RAB6B: variants seen among roughly 807,000 people sequenced by gnomAD.
The protein encoded by RAB6B is RAB6B, member RAS oncogene family.
In RAB6B, 7 loss-of-function variants were observed where a neutral mutation model predicts 31.2. That is an observed-to-expected ratio of 0.22 (90% CI 0.13 to 0.42). RAB6B has a LOEUF of 0.42. Ranked by LOEUF, RAB6B falls within the 10% of genes least tolerant of loss-of-function variation. RAB6B has a pLI of 1.00. For synonymous variants in RAB6B, 105 were observed against 104.9 expected (o/e 1.00, Z -0.01); for missense variants, 149 against 280.6 (o/e 0.53, Z 3.35).
At chr3:133,833,167 C>T (rs1935679879) in intron 7 of RAB6B, among the ~76,000 whole-genome samples, 2 of 152,194 alleles carry the variant, frequency 1.3e-5, no homozygotes, top group South Asian at 2.1e-4. Context: ...CTGTATGTTC[C>T]TGGAACCTCA....
chr3:133,890,348 T>C (rs754562455), intron 1 of RAB6B, among the ~76,000 whole-genome samples: 3 of 152,108 alleles, frequency 2.0e-5, no homozygotes, highest in Non-Finnish European at 2.9e-5. Context: ...CTCACACCCA[T>C]AATCCCAGCA....
At chr3:133,841,728 C>T (rs748880326) in intron 2 of RAB6B, 65 bp from the exon 3 acceptor site, 88 of 1,544,282 alleles carry the variant, frequency 5.7e-5, no homozygotes, top group South Asian at 8.0e-5. Context: ...AAAAGCCTAG[C>T]GACCACAGGT....
In RAB6B at chr3:133,825,788, CCTGCTAAT is replaced by C. The variant is rs1364550724; in HGVS notation, c.*2992_*2999del. The C allele has an allele frequency of 6.6e-6, 1 of 152,224 alleles. No homozygotes were observed. Among genetic ancestry groups the C allele is most frequent in the Non-Finnish European group, 1.5e-5 (1 of 68,074 alleles). 9.4% of individuals were successfully genotyped at this position (152,224 alleles called of 1,614,324 possible). ...CCCCAAAAAAGAAGGCCAAGAGGAT[CCTGCTAAT>C]CTGCCAGGTCACGTCTAGTCTTTGG... On this transcript the variant is annotated 3_prime_UTR_variant, in exon 8 of 8. Transcript: ENST00000285208.
chr3:133,884,089 C>G (rs1341921973), intron 1 of RAB6B, among the ~76,000 whole-genome samples: 1 of 152,202 alleles, frequency 6.6e-6, no homozygotes, highest in Non-Finnish European at 1.5e-5. Context: ...CTCAAAGAGG[C>G]CAAGGGTGGT....
At chr3:133,862,901 T>C (rs1287192497) in intron 2 of RAB6B, among the ~76,000 whole-genome samples, 3 of 152,152 alleles carry the variant, frequency 2.0e-5, no homozygotes, top group Non-Finnish European at 4.4e-5. Context: ...TATATGTAAC[T>C]TAATAGTAAG....
At position 133,827,872 on chromosome 3, in the gene RAB6B, T is replaced by C. The variant is rs1209754522; in HGVS notation, c.*916A>G. The C allele has an allele frequency of 1.0e-5, 7 of 689,464 alleles. No homozygotes were observed. The Admixed American group carries it at 1.4e-4, about 14-fold the overall frequency. 42.7% of individuals were successfully genotyped at this position (689,464 alleles called of 1,614,324 possible). ...CATCACACACTGAGTTTCTTAGACT[T>C]GGCCCAGGCATGTGTACTGACTGCT... On this transcript the variant is annotated 3_prime_UTR_variant, in exon 8 of 8. Coordinates refer to ENST00000285208, the MANE Select transcript of RAB6B (RefSeq NM_016577.4).
At chr3:133,881,585 C>T (rs1235813704) in intron 1 of RAB6B, among the ~76,000 whole-genome samples, 1 of 152,228 alleles carries the variant, frequency 6.6e-6, no homozygotes. Context: ...CTCAGAAAAT[C>T]ACGTCATGGC....
intron 1 of RAB6B, among the ~76,000 whole-genome samples, chr3:133,867,117 C>G (rs1200598785): frequency 6.6e-6 from 1 of 152,248 alleles, no homozygotes; most frequent in Non-Finnish European, 1.5e-5. Flanking sequence ...CCATGAGACA[C>G]CAGCCACTGG....
chr3:133,869,222 G>A (rs764886601), intron 1 of RAB6B, among the ~76,000 whole-genome samples: 3 of 152,244 alleles, frequency 2.0e-5, no homozygotes, highest in Non-Finnish European at 4.4e-5. Flanking sequence ...GTTGCTATGG[G>A]GGACACACTT....
intron 7 of RAB6B, among the ~76,000 whole-genome samples, chr3:133,832,211 TG>T (rs1935664403): frequency 6.6e-6 from 1 of 152,100 alleles, no homozygotes; most frequent in South Asian, 2.1e-4. Flanking sequence ...AAGTGGGGGT[TG>T]GGGGGTTGTG....
intron 1 of RAB6B, among the ~76,000 whole-genome samples, chr3:133,875,289 T>C (rs148789681): frequency 6.7e-6 from 1 of 150,326 alleles, no homozygotes; most frequent in Non-Finnish European, 1.5e-5. Context: ...TGTGTGTGCA[T>C]GTGTTAAGAA....
At chr3:133,849,770 T>C (rs1935952586) in intron 2 of RAB6B, among the ~76,000 whole-genome samples, 1 of 152,218 alleles carries the variant, frequency 6.6e-6, no homozygotes, top group Non-Finnish European at 1.5e-5. Context: ...CATAATCTTA[T>C]GGTCATCAGC....
At chr3:133,842,171 C>G (rs1161659276) in intron 2 of RAB6B, among the ~76,000 whole-genome samples, 3 of 152,264 alleles carry the variant, frequency 2.0e-5, no homozygotes, top group African/African-American at 7.2e-5. Context: ...TGGCTTTTCT[C>G]AGGTGCGGGC....
chr3:133,832,620 G>C (rs552837163), intron 7 of RAB6B, among the ~76,000 whole-genome samples: 7 of 152,342 alleles, frequency 4.6e-5, no homozygotes, highest in African/African-American at 1.2e-4. Flanking sequence ...CATCCCGAAA[G>C]AAGCAGAATG....
chr3:133,877,997 A>C (rs1446712816), intron 1 of RAB6B, among the ~76,000 whole-genome samples: 1 of 152,036 alleles, frequency 6.6e-6, no homozygotes, highest in African/African-American at 2.4e-5. Flanking sequence ...AATTACCTAA[A>C]GTGAAACACA....
rs527675052 is a variant in RAB6B, at chr3:133,868,113, A to C, written c.71-3471T>G. On this transcript the variant is annotated intron_variant, in intron 1 of 7. Transcript: ENST00000285208. ...CTGCCCAGCCTCTGCCCATGGTATCACATAAAGGAGCTAGGTGGGTAAGGG... is the reference window on the plus strand; with the variant it reads ...CTGCCCAGCCTCTGCCCATGGTATCCCATAAAGGAGCTAGGTGGGTAAGGG... Among the ~76,000 whole-genome samples the C allele has an allele frequency of 9.2e-5, 14 of 152,242 alleles. No individual in the cohort carries two copies. In the South Asian group the frequency reaches 2.7e-3, roughly 29 times the overall value.
chr3:133,853,320 T>C (rs1936028247), intron 2 of RAB6B, among the ~76,000 whole-genome samples: 1 of 152,118 alleles, frequency 6.6e-6, no homozygotes, highest in Admixed American at 6.5e-5. Context: ...AGTATGTGTA[T>C]GTGGGTATGA....
At chr3:133,832,447 G>A (rs1935668207) in intron 7 of RAB6B, among the ~76,000 whole-genome samples, 1 of 152,182 alleles carries the variant, frequency 6.6e-6, no homozygotes, top group Non-Finnish European at 1.5e-5. Flanking sequence ...CAAGTCCTGA[G>A]CTGAGCAAGT....
Position 133,895,566 on chromosome 3 carries a change from G to A in RAB6B, c.-100C>T. On this transcript the variant is annotated 5_prime_UTR_variant, in exon 1 of 8. Coordinates refer to ENST00000285208, the MANE Select transcript of RAB6B (RefSeq NM_016577.4). Reference sequence around the variant, plus strand: ...AGGGGAGGCGGCCGGCGGTGCGGGAGCCGGAGGGGGAAGGGCTGGCTGCGC... The same window carrying A: ...AGGGGAGGCGGCCGGCGGTGCGGGAACCGGAGGGGGAAGGGCTGGCTGCGC... 1 of 1,231,352 alleles carries A rather than the reference G, an allele frequency of 8.1e-7. No homozygotes were observed. Among genetic ancestry groups the A allele is most frequent in the Non-Finnish European group, 1.2e-6 (1 of 860,142 alleles). The allele number at this position is 1,231,352 out of a possible 1,614,324, so 76.3% of individuals were successfully genotyped here. A position where few individuals can be genotyped will look rare whatever the true frequency, so the allele number is the denominator to read the frequency against.
Sources: allele counts gnomAD v4.1 joint callset (sites outside exome capture counted in the v4.1 genomes callset), GRCh38; gene constraint gnomAD v4.1.1; transcripts MANE v1.5; gene names NCBI Gene and HGNC (gene_info 2026-07-23, HGNC 2026-07-21).